TBC1D9: variants seen among roughly 807,000 people sequenced by gnomAD.
The protein encoded by TBC1D9 is TBC1 domain family member 9.
In TBC1D9, 63 loss-of-function variants were observed where a neutral mutation model predicts 132.0. The ratio of observed to expected loss-of-function variants is 0.48; its 90% CI spans 0.39 to 0.59. The LOEUF is 0.59. TBC1D9 is among the 20% of genes least tolerant of loss of function. The pLI, the probability that TBC1D9 is intolerant of heterozygous loss-of-function variation, is 0.00. For synonymous variants in TBC1D9, 610 were observed against 609.9 expected (o/e 1.00, Z 0.00); for missense variants, 1,261 against 1,592.7 (o/e 0.79, Z 3.54).
Position 140,633,601 on chromosome 4 carries a change from TTATA to T in TBC1D9, c.2746+343_2746+346del, listed in dbSNP as rs1436395432. ...ACTATGAAATAGATGTTTTATGCAATTATATATAATATATTCAATAAAATATTCT... is the reference window on the plus strand; with the variant it reads ...ACTATGAAATAGATGTTTTATGCAATTATAATATATTCAATAAAATATTCT... On this transcript the variant is annotated intron_variant, in intron 16 of 20. Coordinates refer to ENST00000442267, the MANE Select transcript of TBC1D9 (RefSeq NM_015130.3). 5.3e-5 allele frequency among the ~76,000 whole-genome samples: 8 copies of T among 152,342 alleles called. No homozygotes were observed. The East Asian group carries it at 1.2e-3, about 22-fold the overall frequency.
chr4:140,624,025 G>C (rs1736666768), intron 20 of TBC1D9, 91 bp downstream of exon 20: 2 of 980,266 alleles, frequency 2.0e-6, no homozygotes, highest in Non-Finnish European at 1.5e-6. Context: ...ATTTTTGATG[G>C]GTATTGAGTC....
At chr4:140,690,588 T>C (rs1737862660) in intron 2 of TBC1D9, among the ~76,000 whole-genome samples, 1 of 152,080 alleles carries the variant, frequency 6.6e-6, no homozygotes, top group Non-Finnish European at 1.5e-5. Context: ...CTCCCATGTA[T>C]AGGAGAGGTG....
At chr4:140,651,917 T>A (rs1737192608) in intron 13 of TBC1D9, among the ~76,000 whole-genome samples, 1 of 152,188 alleles carries the variant, frequency 6.6e-6, no homozygotes, top group South Asian at 2.1e-4. Flanking sequence ...ATACCTGGCA[T>A]AAGAAAGGTG....
intron 3 of TBC1D9, 76 bp from the exon 4 acceptor site, chr4:140,679,919 T>C: frequency 4.6e-6 from 6 of 1,291,408 alleles, no homozygotes; most frequent in Non-Finnish European, 5.2e-6. Flanking sequence ...GAAGAAAAAA[T>C]TTCTAAGGCT....
At chr4:140,746,220 T>A (rs561341606) in intron 1 of TBC1D9, among the ~76,000 whole-genome samples, 1 of 152,338 alleles carries the variant, frequency 6.6e-6, no homozygotes, top group East Asian at 1.9e-4. Context: ...CTAAACATAG[T>A]TGATACACAA....
chr4:140,641,278 A>G (rs1365035828), intron 13 of TBC1D9, among the ~76,000 whole-genome samples: 1 of 152,154 alleles, frequency 6.6e-6, no homozygotes, highest in African/African-American at 2.4e-5. Flanking sequence ...AGCACGTTCT[A>G]TCTTTTGATC....
chr4:140,750,335 T>C (rs1307302974), intron 1 of TBC1D9, among the ~76,000 whole-genome samples: 1 of 151,840 alleles, frequency 6.6e-6, no homozygotes, highest in African/African-American at 2.4e-5. Flanking sequence ...AGCATAAGAA[T>C]TAAAAAAGAA....
intron 1 of TBC1D9, among the ~76,000 whole-genome samples, chr4:140,743,280 A>T (rs1002680805): frequency 6.6e-5 from 10 of 152,210 alleles, no homozygotes; most frequent in Non-Finnish European, 1.3e-4. Flanking sequence ...GCCTCCTAAT[A>T]CCTACATGAG....
intron 1 of TBC1D9, among the ~76,000 whole-genome samples, chr4:140,709,691 T>G (rs1226058954): frequency 6.6e-6 from 1 of 152,176 alleles, no homozygotes; most frequent in African/African-American, 2.4e-5. Flanking sequence ...ACTGGTTTCA[T>G]GGAAGACAAT....
At chr4:140,669,564 A>C in intron 8 of TBC1D9, 70 bp downstream of exon 8, 1 of 1,460,226 alleles carries the variant, frequency 6.8e-7, no homozygotes, top group Non-Finnish European at 9.3e-7. Flanking sequence ...GAATTTACTT[A>C]CAGTAAAAAA....
chr4:140,695,131 G>A (rs1023772720), intron 2 of TBC1D9, among the ~76,000 whole-genome samples: 2 of 152,130 alleles, frequency 1.3e-5, no homozygotes, highest in African/African-American at 2.4e-5. Context: ...CTTACCAGCC[G>A]CTAACTAAAA....
At chr4:140,647,208 C>A (rs940550393) in intron 13 of TBC1D9, among the ~76,000 whole-genome samples, 1 of 152,164 alleles carries the variant, frequency 6.6e-6, no homozygotes. Flanking sequence ...TCATTTGCAC[C>A]TTACAATAAC....
intron 9 of TBC1D9, among the ~76,000 whole-genome samples, chr4:140,662,650 A>G (rs952229481): frequency 2.0e-5 from 3 of 152,196 alleles, no homozygotes; most frequent in African/African-American, 7.2e-5. Flanking sequence ...CAGAGTGGTA[A>G]GAGTATTCCT....
At chr4:140,635,442 A>G (rs1736864532) in intron 15 of TBC1D9, among the ~76,000 whole-genome samples, 1 of 152,204 alleles carries the variant, frequency 6.6e-6, no homozygotes, top group African/African-American at 2.4e-5. Context: ...GGATGGTGCC[A>G]CTGCACTGTA....
Position 140,756,126 on chromosome 4 carries a change from T to C in TBC1D9, c.-81A>G, listed in dbSNP as rs1166659801. 72 of 1,201,514 alleles carry C rather than the reference T, an allele frequency of 6.0e-5. No homozygotes were observed. The highest frequency in any genetic ancestry group is 7.2e-5 in the Non-Finnish European group (66 of 917,492). 74.4% of individuals were successfully genotyped at this position (1,201,514 alleles called of 1,614,324 possible). A position where few individuals can be genotyped will look rare whatever the true frequency, so the allele number is the denominator to read the frequency against. The stretch of plus-strand genomic sequence containing the variant: ...CACCACCGCGACAGGCGCGCACTCC[T>C]GGGCACACGCGCGCCCGCCCGCCCG... On this transcript the variant is annotated 5_prime_UTR_variant, in exon 1 of 21. Coordinates refer to ENST00000442267, the MANE Select transcript of TBC1D9 (RefSeq NM_015130.3). The surrounding 1 kb of genome is among the most constrained non-coding windows in gnomAD (Gnocchi z 5.6).
intron 13 of TBC1D9, chr4:140,642,323 C>T (rs540656165): frequency 1.7e-5 from 13 of 777,170 alleles, no homozygotes; most frequent in Middle Eastern, 2.3e-4. Context: ...TGGCCTTGAA[C>T]CCCACCCCTA....
At chr4:140,654,031 A>G (rs185240797) in intron 13 of TBC1D9, among the ~76,000 whole-genome samples, 22 of 152,388 alleles carry the variant, frequency 1.4e-4, no homozygotes, top group Admixed American at 4.6e-4. Context: ...GTTGCCACAT[A>G]CTAAGCTTTA....
intron 2 of TBC1D9, among the ~76,000 whole-genome samples, chr4:140,687,370 A>T (rs978555048): frequency 2.4e-5 from 2 of 83,474 alleles, no homozygotes; most frequent in African/African-American, 3.8e-5. Context: ...ATATATATAT[A>T]TATATATATA....
intron 9 of TBC1D9, among the ~76,000 whole-genome samples, chr4:140,667,470 A>C (rs1460725687): frequency 2.6e-5 from 4 of 152,246 alleles, no homozygotes; most frequent in Non-Finnish European, 5.9e-5. Flanking sequence ...TCTGGTTGTC[A>C]AGGTGACTAG....
Sources: gnomAD v4.1 joint callset for allele counts (sites outside exome capture counted in the v4.1 genomes callset) on GRCh38, gnomAD v4.1.1 for gene constraint, Gnocchi (gnomAD v3.1) non-coding constraint, MANE v1.5 for transcripts, NCBI Gene and HGNC (gene_info 2026-07-23, HGNC 2026-07-21) for gene names.